ZNF529: variants seen among roughly 807,000 people sequenced by gnomAD.
The protein encoded by ZNF529 is zinc finger protein 529.
A neutral mutation model predicts 10.1 loss-of-function variants in ZNF529; 11 were observed. The ratio of observed to expected loss-of-function variants is 1.09; its 90% CI spans 0.69 to 1.81. The LOEUF is 1.81. ZNF529 is among the 40% of genes most tolerant of loss of function. ZNF529 has a pLI of 0.00. For missense variants in ZNF529, 624 were observed against 666.8 expected (o/e 0.94, Z 0.71); for synonymous variants, 204 against 215.7 (o/e 0.95, Z 0.47).
At position 36,547,172 on chromosome 19, in the gene ZNF529, C is replaced by G. The variant is rs755968227; in HGVS notation, c.1386G>C (p.Thr462=). 5.0e-6 allele frequency: 8 copies of G among 1,611,626 alleles called. No homozygotes were observed. The highest frequency in any genetic ancestry group is 5.9e-6 in the Non-Finnish European group (7 of 1,178,998). The change falls in exon 5 of 5, where the codon ACG becomes ACC. Residue 462 remains threonine, a synonymous_variant. Coordinates refer to ENST00000591340, the MANE Select transcript of ZNF529 (RefSeq NM_020951.5). ...CKECGKFFRL[T]SALIQHQRIH... ...TTCTTTGATGTTGAATAAGGGCTGACGTAAGTCTAAAGAACTTTCCACACT... is the reference window on the plus strand; with the variant it reads ...TTCTTTGATGTTGAATAAGGGCTGAGGTAAGTCTAAAGAACTTTCCACACT...
intron 4 of ZNF529, among the ~76,000 whole-genome samples, chr19:36,552,411 A>G (rs1187764026): frequency 2.0e-5 from 3 of 152,160 alleles, no homozygotes; most frequent in Admixed American, 2.0e-4. Context: ...TGGGTGACAG[A>G]GCGAGACTGT....
rs2036035001 is a variant in ZNF529 at position 36,569,883 on chromosome 19, T to TA, written c.14+2449dup. On this transcript the variant is annotated intron_variant, in intron 2 of 4. Coordinates refer to ENST00000591340, the MANE Select transcript of ZNF529 (RefSeq NM_020951.5). ...TCCTGGGAGATAATCTCTGAGCAGT[T>TA]AGAGTATCCTGCCTGATTAACAGAG... is the stretch of plus-strand genomic sequence containing the variant. Among the ~76,000 whole-genome samples, 5 of 152,350 alleles carry TA rather than the reference T, an allele frequency of 3.3e-5. No homozygotes were observed. The South Asian group carries it at 6.2e-4, about 19-fold the overall frequency.
intron 4 of ZNF529, among the ~76,000 whole-genome samples, chr19:36,550,737 T>G (rs1490043440): frequency 6.6e-6 from 1 of 152,040 alleles, no homozygotes; most frequent in East Asian, 1.9e-4. Context: ...AACCAATGTA[T>G]AAAGAACAGT....
chr19:36,567,558 C>A (rs2035945317), intron 2 of ZNF529, among the ~76,000 whole-genome samples: 1 of 151,988 alleles, frequency 6.6e-6, no homozygotes, highest in Non-Finnish European at 1.5e-5. Flanking sequence ...CCTGCCTCAG[C>A]CTCCTCCTGA....
chr19:36,602,039 C>A (rs2036931229), intron 1 of ZNF529, among the ~76,000 whole-genome samples: 1 of 140,812 alleles, frequency 7.1e-6, no homozygotes, highest in African/African-American at 2.6e-5. Flanking sequence ...AGCCACTGCA[C>A]CTGAACGCTA....
At chr19:36,601,111 T>G (rs2036916076) in intron 1 of ZNF529, among the ~76,000 whole-genome samples, 1 of 151,400 alleles carries the variant, frequency 6.6e-6, no homozygotes, top group Non-Finnish European at 1.5e-5. Flanking sequence ...TCTTAACATC[T>G]CCATATCAAA....
chr19:36,570,775 C>T (rs1220594661), intron 2 of ZNF529, among the ~76,000 whole-genome samples: 2 of 152,132 alleles, frequency 1.3e-5, no homozygotes, highest in Non-Finnish European at 2.9e-5. Context: ...ATTTTCATTG[C>T]TCTTGATTTA....
At chr19:36,602,101 G>A (rs2036933171) in intron 1 of ZNF529, among the ~76,000 whole-genome samples, 1 of 149,028 alleles carries the variant, frequency 6.7e-6, no homozygotes, top group Non-Finnish European at 1.5e-5. Context: ...AGGCTAGAGT[G>A]CAGTGGCGCG....
chr19:36,587,276 A>G (rs1161060112), intron 2 of ZNF529: 3 of 152,324 alleles, frequency 2.0e-5, no homozygotes, highest in African/African-American at 7.2e-5. Context: ...GGAAAAAAAA[A>G]AAAAAAATCC....
intron 2 of ZNF529, among the ~76,000 whole-genome samples, chr19:36,561,012 GA>G (rs1202676747): frequency 6.6e-6 from 1 of 152,190 alleles, no homozygotes; most frequent in East Asian, 1.9e-4. Context: ...AGTGTGGCTA[GA>G]AAGAAGCCAG....
chr19:36,562,957 C>T (rs1041993896), intron 2 of ZNF529, among the ~76,000 whole-genome samples: 3 of 152,288 alleles, frequency 2.0e-5, no homozygotes, highest in South Asian at 2.1e-4. Flanking sequence ...CCCTTTTGCA[C>T]GTGAGGACAC....
At chr19:36,561,362 T>C (rs1286368393) in intron 2 of ZNF529, among the ~76,000 whole-genome samples, 4 of 151,522 alleles carry the variant, frequency 2.6e-5, no homozygotes, top group Non-Finnish European at 4.4e-5. Flanking sequence ...TGTGGAAGCA[T>C]GGCATCCTTC....
At chr19:36,563,288 T>G (rs2035778084) in intron 2 of ZNF529, among the ~76,000 whole-genome samples, 1 of 151,754 alleles carries the variant, frequency 6.6e-6, no homozygotes, top group African/African-American at 2.4e-5. Context: ...CCAGGCATGG[T>G]GGTGTGCGCC....
chr19:36,597,503 G>T (rs2036859054), intron 1 of ZNF529, among the ~76,000 whole-genome samples: 2 of 152,234 alleles, frequency 1.3e-5, no homozygotes, highest in Admixed American at 1.3e-4. Flanking sequence ...GAAATGTTTA[G>T]CAGTATCTAC....
chr19:36,558,281 TC>T (rs1425221672), intron 2 of ZNF529, among the ~76,000 whole-genome samples: 1 of 151,870 alleles, frequency 6.6e-6, no homozygotes, highest in African/African-American at 2.4e-5. Flanking sequence ...GATTTGAAAT[TC>T]CCAAATTTAT....
intron 2 of ZNF529, among the ~76,000 whole-genome samples, chr19:36,579,313 G>A (rs3108600): frequency 0.33 from 49,622 of 152,152 alleles, 8,448 homozygotes; most frequent in South Asian, 0.42. Context: ...CATGGCTATA[G>A]TAGTATCAGA....
chr19:36,600,350 C>T (rs1177569075), intron 1 of ZNF529, among the ~76,000 whole-genome samples: 2 of 152,184 alleles, frequency 1.3e-5, no homozygotes, highest in Admixed American at 6.5e-5. Context: ...ACTGAATGAC[C>T]AGTTAATATA....
chr19:36,590,171 C>A (rs1374142186), intron 1 of ZNF529, among the ~76,000 whole-genome samples: 1 of 152,064 alleles, frequency 6.6e-6, no homozygotes, highest in Non-Finnish European at 1.5e-5. Flanking sequence ...GAGTTTCAGA[C>A]CAGCCTAGGC....
intron 1 of ZNF529, among the ~76,000 whole-genome samples, chr19:36,592,448 G>A (rs565086547): frequency 2.4e-4 from 36 of 151,764 alleles, no homozygotes; most frequent in Non-Finnish European, 4.1e-4. Context: ...CAAAAAACTA[G>A]CTGGGCATGG....
Sources: gnomAD v4.1 joint callset for allele counts (sites outside exome capture counted in the v4.1 genomes callset) on GRCh38, gnomAD v4.1.1 for gene constraint, MANE v1.5 for transcripts, NCBI Gene and HGNC (gene_info 2026-07-23, HGNC 2026-07-21) for gene names.